The following MUC6 variants were observed in gnomAD, a reference collection of about 807,000 sequenced individuals.
MUC6 encodes the protein mucin 6, oligomeric mucus/gel-forming (gene/pseudogene).
Under a neutral mutation model 201.5 loss-of-function variants are expected in MUC6, and 188 were observed. The observed-to-expected ratio is 0.93, with a 90% CI of 0.83 to 1.05. The LOEUF is 1.05. MUC6 is among the 50% of genes least tolerant of loss of function. The pLI is 0.00. For missense variants in MUC6, 2,706 were observed against 3,256.9 expected (o/e 0.83, Z 4.12); for synonymous variants, 1,228 against 1,389.4 (o/e 0.88, Z 2.58).
rs376797657 is a variant in MUC6, at chr11:1,028,631, G to C, written c.1591+15C>G. On this transcript the variant is annotated intron_variant, in intron 13 of 32. Coordinates refer to ENST00000421673, the MANE Select transcript of MUC6 (RefSeq NM_005961.3). ...GGATGAGGCAACAGGGCCACCTGGA[G>C]AGGCAGGGACTCACCTCTGGTCTGA... is the stretch of plus-strand genomic sequence containing the variant. 4.4e-6 allele frequency: 7 copies of C among 1,604,768 alleles called. No homozygotes were observed. The highest frequency in any genetic ancestry group is 6.0e-6 in the Non-Finnish European group (7 of 1,176,362).
Position 1,026,361 on chromosome 11 carries a change from C to T in MUC6, c.2512G>A (p.Gly838Arg). ...PCEFSGVSYP[G>R]GAELHTDCRT... is the part of the protein sequence containing the mutation. ...CAGTCAGTGTGGAGCTCAGCTCCTC[C>T]AGGGTAGGAGACCCCCGAGAACTCA... The change falls in exon 20 of 33, where the codon GGA becomes AGA. Residue 838 changes from glycine (G) to arginine (R), a missense_variant. Physicochemically the swap from Gly to Arg is moderately radical, Grantham distance 125 (BLOSUM62 -2). This residue lies in a region of MUC6 where 1,850 missense variants were observed against 1,958.3 expected (regional missense o/e 0.94). Transcript: ENST00000421673. 1 of 1,598,982 alleles carries T rather than the reference C, an allele frequency of 6.3e-7. No individual in the cohort carries two copies. Among genetic ancestry groups the T allele is most frequent in the East Asian group, 2.2e-5 (1 of 44,678 alleles).
intron 1 of MUC6, among the ~76,000 whole-genome samples, chr11:1,034,194 G>A (rs1459058431): frequency 1.3e-5 from 2 of 151,870 alleles, no homozygotes; most frequent in African/African-American, 2.4e-5. Context: ...ACAGGCAGGA[G>A]GTTGGGTATT....
Position 1,029,040 on chromosome 11 carries a change from C to G in MUC6, c.1380+6G>C. 1 of 1,612,820 alleles carries G rather than the reference C, an allele frequency of 6.2e-7. No homozygotes were observed. The highest frequency in any genetic ancestry group is 1.1e-5 in the South Asian group (1 of 91,074). ...CTGGCAGGGATGGGCGCAGGAAAGG[C>G]CTTACCTGCCTGGAGAGGTAGACCA... On this transcript the variant is annotated splice_donor_region_variant and intron_variant, in intron 11 of 32. Coordinates refer to ENST00000421673, the MANE Select transcript of MUC6 (RefSeq NM_005961.3).
At position 1,021,198 on chromosome 11, in the gene MUC6, C is replaced by G. The variant is rs371099284; in HGVS notation, c.3589+17G>C. 7.7e-6 allele frequency: 12 copies of G among 1,560,280 alleles called. No homozygotes were observed. The African/African-American group carries it at 1.4e-4, about 18-fold the overall frequency. On this transcript the variant is annotated intron_variant, in intron 27 of 32. Transcript: ENST00000421673. ...GCAGGCAGGGGCAGGGTTCTCAGGG[C>G]AGCCGACTGGACTTACTGCAGGGCA...
Position 1,013,174 on chromosome 11 carries a change from A to C in MUC6, c.*282T>G, listed in dbSNP as rs1438141323. On this transcript the variant is annotated 3_prime_UTR_variant, in exon 33 of 33. Coordinates refer to ENST00000421673, the MANE Select transcript of MUC6 (RefSeq NM_005961.3). ...GGCTGGGAGGTGTTGGACGGTGGGCAGGGGTGGTCGGGAGTGCCCTGTGTG... is the reference window on the plus strand; with the variant it reads ...GGCTGGGAGGTGTTGGACGGTGGGCCGGGGTGGTCGGGAGTGCCCTGTGTG... The C allele has an allele frequency of 2.0e-5, 10 of 492,320 alleles. No individual in the cohort carries two copies. Among genetic ancestry groups the C allele is most frequent in the Admixed American group, 1.1e-4 (3 of 26,296 alleles). The allele number at this position is 492,320 out of a possible 1,614,324, so 30.5% of individuals were successfully genotyped here. A position where few individuals can be genotyped will look rare whatever the true frequency, so the allele number is the denominator to read the frequency against.
At chr11:1,029,844 G>C (rs2133833881) in intron 8 of MUC6, among the ~76,000 whole-genome samples, 1 of 152,188 alleles carries the variant, frequency 6.6e-6, no homozygotes, top group East Asian at 1.9e-4. Context: ...TCAGGCCCTG[G>C]GCGTGCACAG....
chr11:1,023,228 CTGCGTGAATGAA>C (rs1856863232), intron 26 of MUC6, among the ~76,000 whole-genome samples: 1 of 150,588 alleles, frequency 6.6e-6, no homozygotes, highest in Non-Finnish European at 1.5e-5. Context: ...TGTGTAGTGA[CTGCGTGAATGAA>C]TGTGTGAATG....
chr11:1,030,384 T>G, intron 7 of MUC6, 49 bp from the exon 8 acceptor site: 2 of 843,646 alleles, frequency 2.4e-6, no homozygotes, highest in Non-Finnish European at 3.2e-6. Flanking sequence ...CCCCCACCCC[T>G]CCCTGCCCCA....
At chr11:1,018,855 C>T in intron 30 of MUC6, 85 bp from the exon 31 acceptor site, 1 of 1,487,188 alleles carries the variant, frequency 6.7e-7, no homozygotes, top group Non-Finnish European at 8.9e-7. Flanking sequence ...GTCTATGTGA[C>T]CTTTTTCTTG....
chr11:1,020,322 C>T, intron 28 of MUC6, 65 bp from the exon 29 acceptor site: 3 of 1,531,328 alleles, frequency 2.0e-6, no homozygotes, highest in Non-Finnish European at 1.8e-6. Context: ...GCACCCTCCC[C>T]TCTGCCTGCT....
chr11:1,029,605 C>G lies in MUC6; in HGVS notation c.1026G>C (p.Leu342=), dbSNP rs1283013440. ...AGGTGTGGTTATTGGAGAGGTCATT[C>G]AGGACCGTACCTGCAGGAGAGGGTC... ...FGCFCPEGTV[L]NDLSNNHTCV... is the part of the protein sequence containing the mutation. Residue 342 remains leucine, a synonymous_variant, in exon 9 of 33, where the codon CTG becomes CTC. Transcript: ENST00000421673. 1 of 1,589,610 alleles carries G rather than the reference C, an allele frequency of 6.3e-7. No individual in the cohort carries two copies. Among genetic ancestry groups the G allele is most frequent in the Non-Finnish European group, 8.6e-7 (1 of 1,165,126 alleles).
rs1856999426 is a variant in MUC6 at position 1,027,716 on chromosome 11, G to A, written c.1950C>T (p.Leu650=). The change falls in exon 16 of 33, where the codon CTC becomes CTT. Residue 650 remains leucine, a synonymous_variant. Transcript: ENST00000421673. ...TGTCCACACTGCTTCTCCAGCCCCAGAGCAGGACGCCCCGCAAGGAGCAGG... is the reference window on the plus strand; with the variant it reads ...TGTCCACACTGCTTCTCCAGCCCCAAAGCAGGACGCCCCGCAAGGAGCAGG... The part of the protein sequence containing the change: ...VHACSLRGVL[L]WGWRSSVDNC... 6.2e-6 allele frequency: 10 copies of A among 1,605,502 alleles called. No individual in the cohort carries two copies. The highest frequency in any genetic ancestry group is 5.1e-5 in the Admixed American group (3 of 58,942).
At chr11:1,035,611 C>T (rs1275696740) in intron 1 of MUC6, among the ~76,000 whole-genome samples, 6 of 141,264 alleles carry the variant, frequency 4.2e-5, no homozygotes, top group Non-Finnish European at 7.7e-5. Context: ...GGGTGGTGCC[C>T]GGCGTGGTGG....
At chr11:1,035,927 T>A (rs762095622) in intron 1 of MUC6, among the ~76,000 whole-genome samples, 47 of 152,246 alleles carry the variant, frequency 3.1e-4, no homozygotes, top group Non-Finnish European at 5.9e-4. Flanking sequence ...GGCTGGCTCC[T>A]TCTGGGGGCC....
chr11:1,036,236 G>A (rs1857213779), intron 1 of MUC6, among the ~76,000 whole-genome samples: 1 of 152,180 alleles, frequency 6.6e-6, no homozygotes, highest in Non-Finnish European at 1.5e-5. Flanking sequence ...CAGGACTCAG[G>A]ACCCCACTCG....
chr11:1,032,790 C>A (rs1020924231), intron 2 of MUC6, among the ~76,000 whole-genome samples: 9 of 148,130 alleles, frequency 6.1e-5, no homozygotes, highest in Non-Finnish European at 8.9e-5. Flanking sequence ...GACGTGTGCT[C>A]ATGCATGTGT....
rs1564831881 is a variant in MUC6, at chr11:1,016,528, CGAG to C, written c.6270_6272del (p.Ser2092del). ...AGCTAGAGTTCTGAGGCAGCCAAGA[CGAG>C]GAGGATATGAAGGAAGAAGAGGCTG... On this transcript the variant is annotated inframe_deletion, in exon 31 of 33. Transcript: ENST00000421673. 1.3e-5 allele frequency: 20 copies of C among 1,487,030 alleles called. No individual in the cohort carries two copies. Among genetic ancestry groups the C allele is most frequent in the Non-Finnish European group, 1.8e-5 (20 of 1,122,090 alleles). 92.1% of individuals were successfully genotyped at this position (1,487,030 alleles called of 1,614,324 possible).
At chr11:1,035,064 G>T (rs998352650) in intron 1 of MUC6, among the ~76,000 whole-genome samples, 6 of 152,208 alleles carry the variant, frequency 3.9e-5, no homozygotes, top group African/African-American at 1.2e-4. Flanking sequence ...CGGCAGGTGC[G>T]CACTGTTCCT....
At position 1,025,883 on chromosome 11, in the gene MUC6, G is replaced by T; in HGVS notation, c.2721C>A (p.Thr907=). Residue 907 remains threonine (T), a synonymous_variant, in exon 22 of 33, where the codon ACC becomes ACA. Transcript: ENST00000421673. ...DVCGVNDSQP[T]FKILTENVIC... The stretch of plus-strand genomic sequence containing the variant: ...TGACGTTCTCTGTCAGGATCTTGAA[G>T]GTGGGCTGTGAGTCGTTGACACCAC... The T allele has an allele frequency of 6.2e-7, 1 of 1,612,596 alleles. No individual in the cohort carries two copies. Among genetic ancestry groups the T allele is most frequent in the Non-Finnish European group, 8.5e-7 (1 of 1,179,606 alleles).
Sources: allele counts gnomAD v4.1 joint callset (sites outside exome capture counted in the v4.1 genomes callset), GRCh38; gene constraint gnomAD v4.1.1; regional missense constraint gnomAD v4.1.1; transcripts MANE v1.5; gene names NCBI Gene and HGNC (gene_info 2026-07-23, HGNC 2026-07-21).